The following MACROD2 variants were observed in gnomAD, a reference collection of about 807,000 sequenced individuals.
MACROD2 encodes the protein mono-ADP ribosylhydrolase 2.
MACROD2 carries 36 observed loss-of-function variants against 70.4 expected under a neutral mutation model. The ratio of observed to expected loss-of-function variants is 0.51; its 90% CI spans 0.39 to 0.68. The LOEUF (loss-of-function observed/expected upper bound fraction) is 0.68, where lower values mean the gene tolerates loss of function less well. Ranked by LOEUF, MACROD2 falls within the 30% of genes least tolerant of loss-of-function variation. The probability of loss-of-function intolerance (pLI) is 0.00; values close to 1 mark genes in which losing one functional copy is unlikely to be tolerated. For synonymous variants in MACROD2, 172 were observed against 178.8 expected, an observed-to-expected ratio of 0.96 and a Z score of 0.30; for missense variants, 496 against 538.4, an observed-to-expected ratio of 0.92 and a Z score of 0.78.
rs752542911 is a variant in MACROD2 at position 15,876,091 on chromosome 20, TTA to T, written c.728-9653_728-9652del. ...ACTTTTATTGTCAGCTACATGTCTTTTATATATATATATATATATATGTGTGT... is the reference window on the plus strand; with the variant it reads ...ACTTTTATTGTCAGCTACATGTCTTTTATATATATATATATATATGTGTGT... On this transcript the variant is annotated intron_variant, in intron 9 of 17. Coordinates refer to ENST00000684519, the MANE Select transcript of MACROD2 (RefSeq NM_001351661.2). Among the ~76,000 whole-genome samples the T allele has an allele frequency of 8.8e-4, 29 of 33,108 alleles. 3 individuals carry two copies. The highest frequency in any genetic ancestry group is 1.8e-3 in the African/African-American group (24 of 13,412). The allele number at this position is 33,108 out of a possible 152,430, so 21.7% of individuals were successfully genotyped here.
intron 3 of MACROD2, among the ~76,000 whole-genome samples, chr20:14,118,994 C>T (rs568434494): frequency 1.3e-5 from 2 of 150,472 alleles, no homozygotes; most frequent in African/African-American, 4.9e-5. Context: ...TACAGGCACC[C>T]GCCACCATGC....
chr20:15,053,436 C>T (rs1207833587), intron 5 of MACROD2, among the ~76,000 whole-genome samples: 1 of 152,062 alleles, frequency 6.6e-6, no homozygotes, highest in Non-Finnish European at 1.5e-5. Flanking sequence ...TTTCTATCGT[C>T]CTTAAGAATT....
intron 8 of MACROD2, among the ~76,000 whole-genome samples, chr20:15,553,627 C>T (rs2048127223): frequency 6.6e-6 from 1 of 152,100 alleles, no homozygotes; most frequent in African/African-American, 2.4e-5. Flanking sequence ...ACCATGTTGC[C>T]CAGGCCAGTC....
intron 8 of MACROD2, among the ~76,000 whole-genome samples, chr20:15,528,338 T>C (rs1233717): frequency 0.15 from 22,466 of 152,216 alleles, 3,486 homozygotes; most frequent in African/African-American, 0.39. Context: ...TTTCACCATA[T>C]TGGTCAGGCT....
intron 5 of MACROD2, among the ~76,000 whole-genome samples, chr20:15,041,376 C>A (rs1480740186): frequency 6.6e-6 from 1 of 152,102 alleles, no homozygotes. Context: ...TTTAGAAAGT[C>A]ATGTACTTCT....
chr20:14,737,233 T>C (rs922441077), intron 5 of MACROD2, among the ~76,000 whole-genome samples: 2 of 152,178 alleles, frequency 1.3e-5, no homozygotes, highest in African/African-American at 2.4e-5. Context: ...GTTTGTTTGC[T>C]GAGAATAATG....
At chr20:14,275,765 G>T (rs559959851) in intron 3 of MACROD2, among the ~76,000 whole-genome samples, 1 of 152,146 alleles carries the variant, frequency 6.6e-6, no homozygotes, top group East Asian at 1.9e-4. Context: ...AATCTACAAT[G>T]AACTCAAACA....
In MACROD2 at chr20:15,909,673, G is replaced by A. The variant is rs970638218; in HGVS notation, c.776-23603G>A. ...CAAGTAGCTGGGACTACAGGCGCCC[G>A]CCACTGCGCCCGGCTAATTTTTTGT... is the stretch of plus-strand genomic sequence containing the variant. On this transcript the variant is annotated intron_variant, in intron 10 of 17. Coordinates refer to ENST00000684519, the MANE Select transcript of MACROD2 (RefSeq NM_001351661.2). 5.9e-5 allele frequency among the ~76,000 whole-genome samples: 9 copies of A among 151,820 alleles called. No homozygotes were observed. In the East Asian group the frequency reaches 9.8e-4, roughly 16 times the overall value.
At chr20:14,013,269 CT>C (rs1251660626) in intron 2 of MACROD2, among the ~76,000 whole-genome samples, 1 of 136,076 alleles carries the variant, frequency 7.3e-6, no homozygotes, top group Admixed American at 7.7e-5. Context: ...GTCAACTGTA[CT>C]TTCTTTTTTT....
intron 3 of MACROD2, among the ~76,000 whole-genome samples, chr20:14,432,672 A>G (rs1302096564): frequency 6.6e-6 from 1 of 152,148 alleles, no homozygotes; most frequent in Non-Finnish European, 1.5e-5. Context: ...AAAATAGTTT[A>G]TCTGGAGCAC....
At chr20:14,858,439 A>G (rs1363549183) in intron 5 of MACROD2, among the ~76,000 whole-genome samples, 1 of 152,140 alleles carries the variant, frequency 6.6e-6, no homozygotes, top group African/African-American at 2.4e-5. Context: ...TTACTGTGTG[A>G]CTTTGTGGTA....
chr20:15,173,848 G>A (rs2076440462), intron 5 of MACROD2, among the ~76,000 whole-genome samples: 2 of 152,084 alleles, frequency 1.3e-5, no homozygotes, highest in Admixed American at 6.5e-5. Context: ...TGAACTCAAA[G>A]TATAAGTTAA....
At chr20:14,091,223 C>T (rs2054144597) in intron 3 of MACROD2, among the ~76,000 whole-genome samples, 1 of 152,002 alleles carries the variant, frequency 6.6e-6, no homozygotes, top group African/African-American at 2.4e-5. Flanking sequence ...TAATTGTTTG[C>T]TGGGCAGAAG....
At chr20:14,635,611 T>C (rs998159704) in intron 4 of MACROD2, among the ~76,000 whole-genome samples, 6 of 152,250 alleles carry the variant, frequency 3.9e-5, no homozygotes, top group Non-Finnish European at 7.3e-5. Context: ...ACAGTTACTT[T>C]CTGCCTGATG....
At chr20:14,829,905 C>T (rs916909011) in intron 5 of MACROD2, among the ~76,000 whole-genome samples, 2 of 151,850 alleles carry the variant, frequency 1.3e-5, no homozygotes, top group Admixed American at 6.6e-5. Flanking sequence ...CTATTATTTC[C>T]CTAGAAGTTC....
At chr20:15,685,253 T>C (rs2050211433) in intron 8 of MACROD2, among the ~76,000 whole-genome samples, 1 of 152,164 alleles carries the variant, frequency 6.6e-6, no homozygotes, top group Non-Finnish European at 1.5e-5. Context: ...ACCACGAGCA[T>C]TTGAATTTTC....
chr20:15,211,387 G>A (rs566325802), intron 5 of MACROD2, among the ~76,000 whole-genome samples: 4 of 152,030 alleles, frequency 2.6e-5, no homozygotes, highest in Non-Finnish European at 4.4e-5. Context: ...TATAAATAAC[G>A]CAGCTGATGT....
At chr20:15,497,198 C>A (rs1235215958) in intron 7 of MACROD2, among the ~76,000 whole-genome samples, 2 of 152,010 alleles carry the variant, frequency 1.3e-5, no homozygotes, top group Admixed American at 1.3e-4. Context: ...AGTATCCAGG[C>A]GATTATAAAT....
At chr20:14,781,900 T>G (rs1467551332) in intron 5 of MACROD2, among the ~76,000 whole-genome samples, 1 of 151,844 alleles carries the variant, frequency 6.6e-6, no homozygotes, top group East Asian at 1.9e-4. Flanking sequence ...TGTGTTGTAG[T>G]GGGCTAAAAT....
Sources: gnomAD v4.1 joint callset for allele counts (sites outside exome capture counted in the v4.1 genomes callset) on GRCh38, gnomAD v4.1.1 for gene constraint, MANE v1.5 for transcripts, NCBI Gene and HGNC (gene_info 2026-07-23, HGNC 2026-07-21) for gene names.